ITGBL1: variants seen among roughly 807,000 people sequenced by gnomAD.
ITGBL1 encodes the protein integrin beta-like protein 1.
A neutral mutation model predicts 68.5 loss-of-function variants in ITGBL1; 51 were observed. The observed-to-expected ratio is 0.74, with a 90% CI of 0.59 to 0.94. The LOEUF (loss-of-function observed/expected upper bound fraction) is 0.94. Among genes scored for constraint, ITGBL1 ranks in the 40% least tolerant of loss-of-function variants. The pLI, the probability that ITGBL1 is intolerant of heterozygous loss-of-function variation, is 0.00. For synonymous variants in ITGBL1, 209 were observed against 227.3 expected (o/e 0.92, Z 0.72); for missense variants, 649 against 647.4 (o/e 1.00, Z -0.03).
chr13:101,692,766 C>A, intron 8 of ITGBL1, 65 bp downstream of exon 8: 1 of 973,938 alleles, frequency 1.0e-6, no homozygotes, highest in Non-Finnish European at 1.7e-6. Context: ...CTTTGTTATT[C>A]TACTGACTCT....
chr13:101,548,841 A>G (rs1178123307), intron 2 of ITGBL1, among the ~76,000 whole-genome samples: 1 of 151,858 alleles, frequency 6.6e-6, no homozygotes, highest in Non-Finnish European at 1.5e-5. Flanking sequence ...AATTTACCTT[A>G]CATTAATCTT....
chr13:101,621,616 C>T (rs1361016458), intron 7 of ITGBL1, among the ~76,000 whole-genome samples: 1 of 152,200 alleles, frequency 6.6e-6, no homozygotes, highest in South Asian at 2.1e-4. Flanking sequence ...TTTTATTCCA[C>T]CTTTTAAAAT....
intron 7 of ITGBL1, among the ~76,000 whole-genome samples, chr13:101,671,228 T>G (rs1324536897): frequency 2.6e-5 from 4 of 152,066 alleles, no homozygotes; most frequent in Non-Finnish European, 4.4e-5. Flanking sequence ...AACTGATACA[T>G]TCATGAAACT....
intron 2 of ITGBL1, among the ~76,000 whole-genome samples, chr13:101,543,689 G>A (rs1026315902): frequency 2.6e-5 from 4 of 152,130 alleles, no homozygotes; most frequent in Admixed American, 1.3e-4. Context: ...TCACTTTCAG[G>A]TACACCAATC....
intron 7 of ITGBL1, among the ~76,000 whole-genome samples, chr13:101,600,266 G>C (rs1168139930): frequency 1.3e-5 from 2 of 152,132 alleles, no homozygotes; most frequent in East Asian, 3.8e-4. Context: ...AAGAATGCTT[G>C]TGATTTTTGC....
intron 2 of ITGBL1, among the ~76,000 whole-genome samples, chr13:101,520,111 A>ACT (rs2049260476): frequency 6.6e-6 from 1 of 152,188 alleles, no homozygotes; most frequent in Non-Finnish European, 1.5e-5. Context: ...CAGATCACAT[A>ACT]GAATTTGTAC....
rs748930229 is a variant in ITGBL1, at chr13:101,715,612, T to G, written c.1443T>G (p.Asn481Lys). 6.2e-7 allele frequency: 1 copy of G among 1,613,552 alleles called. No individual in the cohort carries two copies. The highest frequency in any genetic ancestry group is 8.5e-7 in the Non-Finnish European group (1 of 1,179,536). The change falls in exon 11 of 11, where the codon AAT (asparagine) becomes AAG (lysine). Residue 481 changes from asparagine (N) to lysine (K), a missense_variant. Physicochemically the swap from Asn to Lys is moderately conservative, Grantham distance 94. Transcript: ENST00000376180. ...CGNCECWDGW[N>K]GNACEIWLGS... The stretch of plus-strand genomic sequence containing the variant: ...ACTGTGAATGCTGGGATGGATGGAA[T>G]GGAAATGCATGTGAAATCTGGCTTG...
chr13:101,537,783 A>C (rs2049605093), intron 2 of ITGBL1, among the ~76,000 whole-genome samples: 1 of 152,006 alleles, frequency 6.6e-6, no homozygotes, highest in African/African-American at 2.4e-5. Flanking sequence ...CAGGTAGTCT[A>C]TATCTTTAGC....
At chr13:101,520,902 T>A (rs1227529761) in intron 2 of ITGBL1, among the ~76,000 whole-genome samples, 1 of 152,148 alleles carries the variant, frequency 6.6e-6, no homozygotes, top group Non-Finnish European at 1.5e-5. Context: ...AAGGAAGTGG[T>A]AATGAGTCAC....
At chr13:101,508,686 A>G (rs942570078) in intron 2 of ITGBL1, among the ~76,000 whole-genome samples, 11 of 152,102 alleles carry the variant, frequency 7.2e-5, no homozygotes, top group Middle Eastern at 3.4e-3. Context: ...GTTTTATTCT[A>G]TGTTAGAAGT....
chr13:101,515,012 T>G (rs1380825681), intron 2 of ITGBL1, among the ~76,000 whole-genome samples: 1 of 152,112 alleles, frequency 6.6e-6, no homozygotes, highest in Admixed American at 6.6e-5. Context: ...TATGATATAG[T>G]TCTCTCTAGA....
intron 2 of ITGBL1, among the ~76,000 whole-genome samples, chr13:101,530,233 TATGAA>T: frequency 6.6e-6 from 1 of 152,176 alleles, no homozygotes; most frequent in Admixed American, 6.6e-5. Flanking sequence ...GGGGGAAAAG[TATGAA>T]ATGTAATTAT....
chr13:101,621,841 T>G (rs1002185744), intron 7 of ITGBL1, among the ~76,000 whole-genome samples: 1 of 151,852 alleles, frequency 6.6e-6, no homozygotes, highest in African/African-American at 2.4e-5. Context: ...AATAAGGAAA[T>G]GGAAAAGTAT....
chr13:101,638,440 A>T (rs1366239254), intron 7 of ITGBL1, among the ~76,000 whole-genome samples: 5 of 152,106 alleles, frequency 3.3e-5, no homozygotes, highest in African/African-American at 1.2e-4. Flanking sequence ...AAAATAAAAA[A>T]AAAAAAACTA....
intron 2 of ITGBL1, among the ~76,000 whole-genome samples, chr13:101,526,155 C>CTTCCT (rs368448615): frequency 7.3e-6 from 1 of 136,562 alleles, no homozygotes; most frequent in East Asian, 2.2e-4. Context: ...TCTTCTTCTT[C>CTTCCT]TTTTTTTTTT....
At position 101,705,292 on chromosome 13, in the gene ITGBL1, CAAAAA is replaced by C. The variant is rs66461824; in HGVS notation, c.1133-1451_1133-1447del. Among the ~76,000 whole-genome samples the C allele has an allele frequency of 7.3e-3, 766 of 105,016 alleles. 3 individuals are homozygous for C. Among genetic ancestry groups the C allele is most frequent in the Non-Finnish European group, 0.011 (581 of 53,754 alleles). The allele number at this position is 105,016 out of a possible 152,430, so 68.9% of individuals were successfully genotyped here. On this transcript the variant is annotated intron_variant, in intron 8 of 10. Transcript: ENST00000376180. The stretch of plus-strand genomic sequence containing the variant: ...AATCTCTCTTATTTAATTTAAAAAG[CAAAAA>C]AAAAAAAAAAAACAACAACAACAAA...
rs563019747 is a variant in ITGBL1, at chr13:101,662,664, G to A, written c.1016-29921G>A. ...CCCACTTTGATATTCTTATTAAAGT[G>A]GAATATTTCCTCTTATCTGGTAGAA... On this transcript the variant is annotated intron_variant, in intron 7 of 10. Transcript: ENST00000376180. Among the ~76,000 whole-genome samples the A allele has an allele frequency of 3.3e-5, 5 of 151,794 alleles. No individual in the cohort carries two copies. The South Asian group carries it at 1.0e-3, about 32-fold the overall frequency.
Position 101,715,546 on chromosome 13 carries a change from T to C in ITGBL1, c.1394-17T>C. 1.9e-6 allele frequency: 3 copies of C among 1,552,950 alleles called. No individual in the cohort carries two copies. The highest frequency in any genetic ancestry group is 2.7e-6 in the Non-Finnish European group (3 of 1,124,268). On this transcript the variant is annotated splice_polypyrimidine_tract_variant and intron_variant, in intron 10 of 10. Transcript: ENST00000376180. Reference sequence around the variant, plus strand: ...ATTTTGATCATAATCATGATACCTATATGTATTTTATTGCAGGGAATGGAA... The same window carrying C: ...ATTTTGATCATAATCATGATACCTACATGTATTTTATTGCAGGGAATGGAA...
chr13:101,526,907 G>C (rs1163135022), intron 2 of ITGBL1, among the ~76,000 whole-genome samples: 1 of 151,790 alleles, frequency 6.6e-6, no homozygotes, highest in Non-Finnish European at 1.5e-5. Context: ...ACATTTTCTT[G>C]TATCAACATA....
Sources: gnomAD v4.1 joint callset for allele counts (sites outside exome capture counted in the v4.1 genomes callset) on GRCh38, gnomAD v4.1.1 for gene constraint, MANE v1.5 for transcripts, NCBI Gene and HGNC (gene_info 2026-07-23, HGNC 2026-07-21) for gene names.